The following PDE3A variants were observed in gnomAD, a reference collection of about 807,000 sequenced individuals.
PDE3A encodes the protein cGMP-inhibited 3',5'-cyclic phosphodiesterase 3A.
PDE3A carries 43 observed loss-of-function variants against 98.3 expected under a neutral mutation model. The ratio of observed to expected loss-of-function variants is 0.44; its 90% CI spans 0.34 to 0.56. The LOEUF (loss-of-function observed/expected upper bound fraction) is 0.56, where lower values mean the gene tolerates loss of function less well. Ranked by LOEUF, PDE3A falls within the 20% of genes least tolerant of loss-of-function variation. The pLI is 0.01. For missense variants in PDE3A, 1,427 were observed against 1,440.7 expected (o/e 0.99, Z 0.15); for synonymous variants, 663 against 567.9 (o/e 1.17, Z -2.38).
At chr12:20,616,513 G>C in intron 4 of PDE3A, 129 bp downstream of exon 4, 5 of 784,264 alleles carry the variant, frequency 6.4e-6, no homozygotes, top group Non-Finnish European at 1.0e-5. Context: ...AGATGGAAAG[G>C]GTACATGGTT....
At chr12:20,401,296 GGCA>G (rs1255277175) in intron 1 of PDE3A, among the ~76,000 whole-genome samples, 2 of 152,038 alleles carry the variant, frequency 1.3e-5, no homozygotes, top group African/African-American at 4.8e-5. Context: ...GCTCTAATCA[GGCA>G]GCAGTTTTGT....
chr12:20,485,517 A>C (rs1382880410), intron 1 of PDE3A, among the ~76,000 whole-genome samples: 1 of 152,180 alleles, frequency 6.6e-6, no homozygotes, highest in Non-Finnish European at 1.5e-5. Context: ...TAGTGTTAAT[A>C]CATTTTCAGA....
chr12:20,563,623 T>C (rs1942585044), intron 2 of PDE3A, among the ~76,000 whole-genome samples: 1 of 152,314 alleles, frequency 6.6e-6, no homozygotes, highest in South Asian at 2.1e-4. Flanking sequence ...AATAATTGTT[T>C]AACTTTTGGC....
chr12:20,622,178 C>T (rs924204711), intron 5 of PDE3A, among the ~76,000 whole-genome samples: 8 of 152,106 alleles, frequency 5.3e-5, no homozygotes, highest in Admixed American at 3.3e-4. Context: ...AGATATGAAA[C>T]ATTCAAGTTC....
At chr12:20,457,341 A>T (rs750321484) in intron 1 of PDE3A, among the ~76,000 whole-genome samples, 1 of 151,622 alleles carries the variant, frequency 6.6e-6, no homozygotes, top group Non-Finnish European at 1.5e-5. Context: ...CCTTAAATTT[A>T]TATGGGTAGC....
intron 5 of PDE3A, among the ~76,000 whole-genome samples, chr12:20,627,800 A>G (rs2121500522): frequency 6.6e-6 from 1 of 152,336 alleles, no homozygotes; most frequent in South Asian, 2.1e-4. Flanking sequence ...CAAGACTCAC[A>G]ATAACTACTT....
At chr12:20,626,893 G>A (rs1185941909) in intron 5 of PDE3A, among the ~76,000 whole-genome samples, 4 of 152,158 alleles carry the variant, frequency 2.6e-5, no homozygotes, top group African/African-American at 9.7e-5. Flanking sequence ...ATCCCAGGCA[G>A]TAAATTTGAT....
chr12:20,576,982 G>A (rs2121328828), intron 2 of PDE3A, among the ~76,000 whole-genome samples: 1 of 151,760 alleles, frequency 6.6e-6, no homozygotes, highest in Middle Eastern at 3.4e-3. Context: ...TGAAGAGATT[G>A]AGGAGTTAGC....
At position 20,467,553 on chromosome 12, in the gene PDE3A, T is replaced by C. The variant is rs983639982; in HGVS notation, c.961-89107T>C. 2.2e-4 allele frequency among the ~76,000 whole-genome samples: 33 copies of C among 152,144 alleles called. 1 individual carries two copies. The highest frequency in any genetic ancestry group is 1.9e-3 in the Admixed American group (29 of 15,270). ...TATTAAAAACATTGAAATATACATC[T>C]GCCGTTATCTTTTACTAGATTTTGA... On this transcript the variant is annotated intron_variant, in intron 1 of 15. Coordinates refer to ENST00000359062, the MANE Select transcript of PDE3A (RefSeq NM_000921.5).
intron 1 of PDE3A, among the ~76,000 whole-genome samples, chr12:20,515,696 T>C (rs1946306470): frequency 6.9e-6 from 1 of 145,900 alleles, no homozygotes; most frequent in Non-Finnish European, 1.5e-5. Context: ...AATCTCACAC[T>C]GTATTATTTA....
chr12:20,661,900 A>G lies in PDE3A; in HGVS notation c.3184+7695A>G, dbSNP rs1305251423. 4.0e-5 allele frequency among the ~76,000 whole-genome samples: 6 copies of G among 149,702 alleles called. No homozygotes were observed. The East Asian group carries it at 8.0e-4, about 20-fold the overall frequency. ...TGGGGCAGTGCCTAATGGAACTGTG[A>G]GAAGAGAGCCACTGTCCTCCAGACC... On this transcript the variant is annotated intron_variant, in intron 15 of 15. Transcript: ENST00000359062.
chr12:20,421,385 C>T lies in PDE3A; in HGVS notation c.960+51141C>T, dbSNP rs61007792. 3.4e-3 allele frequency among the ~76,000 whole-genome samples: 512 copies of T among 152,192 alleles called. 2 individuals are homozygous for T. The highest frequency in any genetic ancestry group is 0.012 in the African/African-American group (480 of 41,520). ...TTAATGTTTTTATACATGTCTTTAT[C>T]GGACTTAAATCTGTGTTCACACCAG... On this transcript the variant is annotated intron_variant, in intron 1 of 15. Coordinates refer to ENST00000359062, the MANE Select transcript of PDE3A (RefSeq NM_000921.5).
chr12:20,388,060 A>G (rs1380423624), intron 1 of PDE3A, among the ~76,000 whole-genome samples: 1 of 152,070 alleles, frequency 6.6e-6, no homozygotes, highest in African/African-American at 2.4e-5. Context: ...TTATAAAGAA[A>G]TGTATTCCTT....
At chr12:20,549,334 C>T (rs1203356483) in intron 1 of PDE3A, among the ~76,000 whole-genome samples, 2 of 148,092 alleles carry the variant, frequency 1.4e-5, no homozygotes, top group South Asian at 2.1e-4. Context: ...ATGCTGTAAT[C>T]GTGGGAAGGA....
chr12:20,371,273 C>T (rs1457223959), intron 1 of PDE3A: 7 of 750,144 alleles, frequency 9.3e-6, no homozygotes, highest in Non-Finnish European at 9.8e-6. Context: ...CATACGGTGT[C>T]TAAAAAAGCA....
At chr12:20,560,546 T>C (rs1328575278) in intron 2 of PDE3A, among the ~76,000 whole-genome samples, 1 of 152,124 alleles carries the variant, frequency 6.6e-6, no homozygotes, top group South Asian at 2.1e-4. Context: ...TAGAAGAGAA[T>C]AGTGTAAGAT....
intron 13 of PDE3A, 92 bp downstream of exon 13, chr12:20,648,983 T>C: frequency 2.5e-6 from 2 of 784,816 alleles, no homozygotes; most frequent in African/African-American, 1.8e-5. Context: ...TGGAGTGCAG[T>C]GGCACGATCT....
intron 15 of PDE3A, among the ~76,000 whole-genome samples, chr12:20,676,498 C>CTTTTTTTTT (rs60887487): frequency 9.2e-6 from 1 of 109,218 alleles, no homozygotes. Flanking sequence ...ATGTCTTTGA[C>CTTTTTTTTT]TTTTTTTTTT....
intron 15 of PDE3A, among the ~76,000 whole-genome samples, chr12:20,669,457 G>T (rs1307879378): frequency 6.6e-6 from 1 of 151,246 alleles, no homozygotes; most frequent in Non-Finnish European, 1.5e-5. Flanking sequence ...GAGAAAGGTC[G>T]GGTTACCCTC....
Sources: gnomAD v4.1 joint callset for allele counts (sites outside exome capture counted in the v4.1 genomes callset) on GRCh38, gnomAD v4.1.1 for gene constraint, MANE v1.5 for transcripts, NCBI Gene and HGNC (gene_info 2026-07-23, HGNC 2026-07-21) for gene names.